GLRA3: variants seen among roughly 807,000 people sequenced by gnomAD.
GLRA3 encodes the protein glycine receptor alpha 3.
GLRA3 carries 44 observed loss-of-function variants against 60.4 expected under a neutral mutation model. The ratio of observed to expected loss-of-function variants is 0.73; its 90% CI spans 0.57 to 0.94. GLRA3 has a LOEUF of 0.94. GLRA3 is among the 40% of genes least tolerant of loss of function. GLRA3 has a pLI of 0.00. For missense variants in GLRA3, 508 were observed against 564.6 expected, an observed-to-expected ratio of 0.90 and a Z score of 1.02; for synonymous variants, 223 against 192.9, an observed-to-expected ratio of 1.16 and a Z score of -1.29.
intron 9 of GLRA3, among the ~76,000 whole-genome samples, chr4:174,645,466 G>A (rs1304807658): frequency 6.7e-6 from 1 of 149,412 alleles, no homozygotes; most frequent in African/African-American, 2.5e-5. Flanking sequence ...TGTGAAAGTA[G>A]CTCCTCAATG....
intron 5 of GLRA3, among the ~76,000 whole-genome samples, chr4:174,683,870 T>C (rs559439581): frequency 2.6e-5 from 4 of 152,176 alleles, no homozygotes; most frequent in African/African-American, 7.2e-5. Flanking sequence ...TTCGTGAAGA[T>C]TTTGATACAC....
intron 5 of GLRA3, among the ~76,000 whole-genome samples, chr4:174,685,523 C>T (rs755375438): frequency 9.2e-5 from 14 of 152,124 alleles, no homozygotes; most frequent in African/African-American, 1.9e-4. Flanking sequence ...GCATCTACAT[C>T]TGAATTTTGA....
At chr4:174,673,998 A>G (rs1734008239) in intron 7 of GLRA3, among the ~76,000 whole-genome samples, 1 of 152,132 alleles carries the variant, frequency 6.6e-6, no homozygotes, top group Non-Finnish European at 1.5e-5. Flanking sequence ...AGAAACATTT[A>G]CTTCTTTCTA....
At chr4:174,697,217 T>C (rs1178133108) in intron 5 of GLRA3, among the ~76,000 whole-genome samples, 5 of 152,202 alleles carry the variant, frequency 3.3e-5, no homozygotes, top group Non-Finnish European at 7.3e-5. Flanking sequence ...AATTATAGAT[T>C]CACATTTTGT....
At chr4:174,763,732 C>T (rs1561102830) in intron 3 of GLRA3, among the ~76,000 whole-genome samples, 1 of 152,108 alleles carries the variant, frequency 6.6e-6, no homozygotes, top group East Asian at 1.9e-4. Context: ...TTTATCATCA[C>T]AGTTTAAAAG....
At chr4:174,808,033 A>T (rs942971680) in intron 1 of GLRA3, among the ~76,000 whole-genome samples, 1 of 152,108 alleles carries the variant, frequency 6.6e-6, no homozygotes, top group Admixed American at 6.6e-5. Flanking sequence ...TGATCAGAAG[A>T]AGAGAGAACT....
At chr4:174,722,732 T>C (rs1000714754) in intron 4 of GLRA3, 4 of 166,298 alleles carry the variant, frequency 2.4e-5, no homozygotes, top group Admixed American at 1.3e-4. Context: ...TTCTTCTTTC[T>C]TTAAAAAAGC....
intron 3 of GLRA3, among the ~76,000 whole-genome samples, chr4:174,765,033 T>C (rs915858229): frequency 6.6e-6 from 1 of 152,036 alleles, no homozygotes; most frequent in African/African-American, 2.4e-5. Flanking sequence ...AAGTGAGTGA[T>C]AGATGCTCAA....
At chr4:174,690,711 C>T (rs1734761514) in intron 5 of GLRA3, among the ~76,000 whole-genome samples, 1 of 152,106 alleles carries the variant, frequency 6.6e-6, no homozygotes, top group African/African-American at 2.4e-5. Context: ...TCTTTGTGTT[C>T]ATAGGTTCTT....
intron 1 of GLRA3, among the ~76,000 whole-genome samples, chr4:174,812,068 A>T (rs1740298306): frequency 6.6e-6 from 1 of 152,208 alleles, no homozygotes; most frequent in African/African-American, 2.4e-5. Flanking sequence ...GAAAAATACT[A>T]CAAAAATACT....
intron 2 of GLRA3, among the ~76,000 whole-genome samples, chr4:174,769,847 G>C (rs1361598694): frequency 6.6e-6 from 1 of 151,906 alleles, no homozygotes; most frequent in African/African-American, 2.4e-5. Flanking sequence ...AGCTAGAGTT[G>C]GTAGAAACTT....
chr4:174,725,393 T>C (rs551518368), intron 4 of GLRA3, among the ~76,000 whole-genome samples: 2 of 152,346 alleles, frequency 1.3e-5, no homozygotes, highest in Non-Finnish European at 2.9e-5. Flanking sequence ...GCTGAGGCTA[T>C]TTTTCTCATT....
At chr4:174,677,368 T>C (rs992296240) in intron 6 of GLRA3, 76 bp from the exon 7 acceptor site, 4 of 594,004 alleles carry the variant, frequency 6.7e-6, no homozygotes, top group Non-Finnish European at 1.1e-5. Flanking sequence ...ACAATTTCTC[T>C]TTTTTTTTTG....
At chr4:174,762,796 A>C (rs1212353002) in intron 3 of GLRA3, among the ~76,000 whole-genome samples, 1 of 152,116 alleles carries the variant, frequency 6.6e-6, no homozygotes, top group Non-Finnish European at 1.5e-5. Flanking sequence ...AAAGATTCTG[A>C]CATATGCATA....
intron 2 of GLRA3, among the ~76,000 whole-genome samples, chr4:174,784,838 C>T (rs1196639804): frequency 6.6e-6 from 1 of 151,906 alleles, no homozygotes; most frequent in African/African-American, 2.4e-5. Context: ...AGTTTTTATA[C>T]TTATGTCAAA....
intron 6 of GLRA3, among the ~76,000 whole-genome samples, chr4:174,679,757 C>T (rs567319304): frequency 6.6e-6 from 1 of 152,182 alleles, no homozygotes; most frequent in South Asian, 2.1e-4. Context: ...TGAAATAAGC[C>T]AGGCATAGAA....
intron 5 of GLRA3, among the ~76,000 whole-genome samples, chr4:174,690,402 G>A (rs4558847): frequency 0.98 from 149,204 of 152,296 alleles, 73,160 homozygotes; most frequent in East Asian, 1. Flanking sequence ...CAATTTAGAT[G>A]AATGGTTCAA....
intron 1 of GLRA3, among the ~76,000 whole-genome samples, chr4:174,828,493 T>A (rs569061838): frequency 6.6e-6 from 1 of 152,374 alleles, no homozygotes; most frequent in African/African-American, 2.4e-5. Flanking sequence ...TAAAATAATT[T>A]TTTTTTCTCA....
At chr4:174,710,178 C>G (rs968712997) in intron 5 of GLRA3, among the ~76,000 whole-genome samples, 1 of 151,890 alleles carries the variant, frequency 6.6e-6, no homozygotes, top group Non-Finnish European at 1.5e-5. Context: ...ATGCTATCTC[C>G]AGAAATTTCA....
Sources: allele counts gnomAD v4.1 joint callset (sites outside exome capture counted in the v4.1 genomes callset), GRCh38; gene constraint gnomAD v4.1.1; transcripts MANE v1.5; gene names NCBI Gene and HGNC (gene_info 2026-07-23, HGNC 2026-07-21).